Variants in CEP128 observed in about 807,000 individuals in gnomAD.
The protein encoded by CEP128 is centrosomal protein 128, also known as centrosomal protein 128kDa.
A neutral mutation model predicts 156.7 loss-of-function variants in CEP128; 132 were observed. That is an observed-to-expected ratio of 0.84 (90% CI 0.73 to 0.97). The LOEUF is 0.97. Among genes scored for constraint, CEP128 ranks in the 50% least tolerant of loss-of-function variants. The pLI, the probability that CEP128 is intolerant of heterozygous loss-of-function variation, is 0.00. For missense variants in CEP128, 1,252 were observed against 1,281.9 expected (o/e 0.98, Z 0.36); for synonymous variants, 469 against 448.9 (o/e 1.04, Z -0.57).
chr14:80,845,827 A>G (rs1886572355), intron 9 of CEP128, among the ~76,000 whole-genome samples: 1 of 152,194 alleles, frequency 6.6e-6, no homozygotes, highest in Non-Finnish European at 1.5e-5. Flanking sequence ...TGCCCAATAA[A>G]TATTAATTGA....
chr14:80,718,876 T>A (rs1897708869), intron 19 of CEP128, among the ~76,000 whole-genome samples: 1 of 152,242 alleles, frequency 6.6e-6, no homozygotes, highest in African/African-American at 2.4e-5. Context: ...TTTGTTTTTT[T>A]CTGAGTGTTG....
At chr14:80,639,667 T>C (rs1894331227) in intron 19 of CEP128, among the ~76,000 whole-genome samples, 1 of 152,198 alleles carries the variant, frequency 6.6e-6, no homozygotes, top group African/African-American at 2.4e-5. Flanking sequence ...ATTCTTAGTT[T>C]GTACATCTTA....
chr14:80,657,916 A>C (rs995630148), intron 19 of CEP128, among the ~76,000 whole-genome samples: 13 of 152,314 alleles, frequency 8.5e-5, no homozygotes, highest in African/African-American at 3.1e-4. Flanking sequence ...ATGTACCTTT[A>C]AAAACCTTTT....
chr14:80,690,619 T>G (rs1487850247), intron 19 of CEP128, among the ~76,000 whole-genome samples: 1 of 152,136 alleles, frequency 6.6e-6, no homozygotes, highest in African/African-American at 2.4e-5. Flanking sequence ...ATATATTTCT[T>G]TTCATATGTA....
chr14:80,606,166 T>A (rs980606835), intron 19 of CEP128, among the ~76,000 whole-genome samples: 14 of 152,014 alleles, frequency 9.2e-5, no homozygotes, highest in Non-Finnish European at 1.6e-4. Context: ...TACAACTGCC[T>A]AGTCCATTAA....
chr14:80,880,988 G>A lies in CEP128; in HGVS notation c.645+14730C>T, dbSNP rs1185066596. ...AATTATGTAACTGAAAAAGAAATCA[G>A]GAAAACAGTTCCATTTATGATAGCA... On this transcript the variant is annotated intron_variant, in intron 8 of 24. Coordinates refer to ENST00000555265, the MANE Select transcript of CEP128 (RefSeq NM_152446.5). Among the ~76,000 whole-genome samples, 5 of 145,252 alleles carry A rather than the reference G, an allele frequency of 3.4e-5. No individual in the cohort carries two copies. The East Asian group carries it at 1.0e-3, about 29-fold the overall frequency.
chr14:80,683,628 T>C (rs967425545), intron 19 of CEP128, among the ~76,000 whole-genome samples: 1 of 152,106 alleles, frequency 6.6e-6, no homozygotes, highest in Non-Finnish European at 1.5e-5. Context: ...TTAACAGACA[T>C]CTACAGAATA....
Position 80,859,145 on chromosome 14 carries a change from C to G in CEP128, c.762+3612G>C, listed in dbSNP as rs1269233376. ...CACAATAGCAAAGACTTGGAACCAA[C>G]CCAAATGTCCAACAATGACAGACTG... On this transcript the variant is annotated intron_variant, in intron 9 of 24. Transcript: ENST00000555265. Among the ~76,000 whole-genome samples the G allele has an allele frequency of 2.7e-5, 4 of 150,302 alleles. No homozygotes were observed. In the East Asian group the frequency reaches 5.9e-4, roughly 22 times the overall value.
At chr14:80,764,104 T>A (rs1376704851) in intron 16 of CEP128, among the ~76,000 whole-genome samples, 1 of 152,220 alleles carries the variant, frequency 6.6e-6, no homozygotes, top group African/African-American at 2.4e-5. Context: ...TGTCTCTTAT[T>A]AATAAGAAGA....
chr14:80,765,152 G>C (rs2371413), intron 16 of CEP128, among the ~76,000 whole-genome samples: 50,472 of 152,070 alleles, frequency 0.33, 9,682 homozygotes, highest in Non-Finnish European at 0.43. Context: ...AGACAGGCAG[G>C]CTCCTACTCT....
At chr14:80,720,070 G>C (rs779276611) in intron 19 of CEP128, among the ~76,000 whole-genome samples, 1 of 152,088 alleles carries the variant, frequency 6.6e-6, no homozygotes, top group Non-Finnish European at 1.5e-5. Context: ...AGACCTAAAG[G>C]AGGAGGCCAA....
At chr14:80,859,173 T>C (rs1887377100) in intron 9 of CEP128, among the ~76,000 whole-genome samples, 1 of 149,594 alleles carries the variant, frequency 6.7e-6, no homozygotes, top group South Asian at 2.2e-4. Flanking sequence ...ACAGACTGGA[T>C]TAAGAAAATG....
chr14:80,885,931 A>G (rs2139342511), intron 8 of CEP128, among the ~76,000 whole-genome samples: 1 of 152,256 alleles, frequency 6.6e-6, no homozygotes, highest in East Asian at 1.9e-4. Context: ...AGAGAAGAAC[A>G]TAAATGACCT....
At chr14:80,533,030 C>T (rs1359933320) in intron 21 of CEP128, among the ~76,000 whole-genome samples, 1 of 152,168 alleles carries the variant, frequency 6.6e-6, no homozygotes, top group Non-Finnish European at 1.5e-5. Flanking sequence ...CTCACTTACA[C>T]TGCCATGCAT....
At chr14:80,676,729 T>G (rs1219579111) in intron 19 of CEP128, among the ~76,000 whole-genome samples, 1 of 152,206 alleles carries the variant, frequency 6.6e-6, no homozygotes, top group African/African-American at 2.4e-5. Context: ...TAAGATTTTT[T>G]GTAACACGAA....
At chr14:80,542,741 C>A (rs977340279) in intron 21 of CEP128, among the ~76,000 whole-genome samples, 1 of 152,138 alleles carries the variant, frequency 6.6e-6, no homozygotes, top group Admixed American at 6.6e-5. Flanking sequence ...GCCCTGGCCC[C>A]AAGTCCTCAA....
intron 21 of CEP128, among the ~76,000 whole-genome samples, chr14:80,550,767 T>G (rs1890177945): frequency 6.7e-6 from 1 of 149,988 alleles, no homozygotes; most frequent in Admixed American, 6.7e-5. Context: ...ACAATTAATA[T>G]TAGGTATATT....
intron 16 of CEP128, among the ~76,000 whole-genome samples, chr14:80,764,526 A>G (rs12589097): frequency 0.01 from 1,566 of 152,240 alleles, 16 homozygotes; most frequent in Middle Eastern, 0.044. Flanking sequence ...AGAAAAAAAA[A>G]AAAGAAAATT....
intron 8 of CEP128, among the ~76,000 whole-genome samples, chr14:80,868,610 A>G (rs1887884786): frequency 6.6e-6 from 1 of 152,144 alleles, no homozygotes; most frequent in Non-Finnish European, 1.5e-5. Flanking sequence ...AACATTCAGA[A>G]AACAATTAAG....
Sources: gnomAD v4.1 joint callset for allele counts (sites outside exome capture counted in the v4.1 genomes callset) on GRCh38, gnomAD v4.1.1 for gene constraint, MANE v1.5 for transcripts, NCBI Gene and HGNC (gene_info 2026-07-23, HGNC 2026-07-21) for gene names.